Variants in TSSK6 observed in about 807,000 individuals in gnomAD.
The protein encoded by TSSK6 is testis specific serine kinase 6.
Under a neutral mutation model 8.5 loss-of-function variants are expected in TSSK6, and 9 were observed. That is an observed-to-expected ratio of 1.06 (90% confidence interval 0.64 to 1.85). The LOEUF is 1.85. Among genes scored for constraint, TSSK6 ranks in the 40% most tolerant of loss-of-function variants. The pLI is 0.00. For synonymous variants in TSSK6, 202 were observed against 182.4 expected (o/e 1.11, Z -0.86); for missense variants, 311 against 391.5 (o/e 0.79, Z 1.73).
Position 19,514,346 on chromosome 19 carries a change from T to G in TSSK6, c.*260A>C, listed in dbSNP as rs1377799548. 3.7e-6 allele frequency: 2 copies of G among 541,506 alleles called. No homozygotes were observed. Among genetic ancestry groups the G allele is most frequent in the African/African-American group, 3.9e-5 (2 of 51,608 alleles). 33.5% of individuals were successfully genotyped at this position (541,506 alleles called of 1,614,324 possible). ...GGCGCAATGCTTCCGTCCCCTCTGGTCTCGCCCTCTCGGGGCCTGGTCGCA... is the reference window on the plus strand; with the variant it reads ...GGCGCAATGCTTCCGTCCCCTCTGGGCTCGCCCTCTCGGGGCCTGGTCGCA... On this transcript the variant is annotated 3_prime_UTR_variant, in exon 1 of 1. Transcript: ENST00000585580.
In TSSK6 at chr19:19,514,296, G is replaced by A. The variant is rs968330686; in HGVS notation, c.*310C>T. On this transcript the variant is annotated 3_prime_UTR_variant, in exon 1 of 1. Transcript: ENST00000585580. ...GGCTGGTTGGGAAGGGACGCCCTCC[G>A]CGCAGAGGCTGAGAGTTCCGCGCAG... The A allele has an allele frequency of 2.1e-4, 79 of 380,534 alleles. No homozygotes were observed. Among genetic ancestry groups the A allele is most frequent in the Non-Finnish European group, 3.7e-4 (77 of 209,760 alleles). 23.6% of individuals were successfully genotyped at this position (380,534 alleles called of 1,614,324 possible).
At position 19,515,543 on chromosome 19, in the gene TSSK6, C is replaced by T; in HGVS notation, c.-116G>A. On this transcript the variant is annotated 5_prime_UTR_variant, in exon 1 of 1. Transcript: ENST00000585580. ...ACCTACACCCCCGCACCCCCATGTGCCCACTGCCAGACATTGGCCGCTGTT... is the reference window on the plus strand; with the variant it reads ...ACCTACACCCCCGCACCCCCATGTGTCCACTGCCAGACATTGGCCGCTGTT... The T allele has an allele frequency of 1.1e-6, 1 of 942,226 alleles. No individual in the cohort carries two copies. The highest frequency in any genetic ancestry group is 1.6e-6 in the Non-Finnish European group (1 of 620,876). 58.4% of individuals were successfully genotyped at this position (942,226 alleles called of 1,614,324 possible). A position where few individuals can be genotyped will look rare whatever the true frequency, so the allele number is the denominator to read the frequency against.
chr19:19,515,151 C>T lies in TSSK6; in HGVS notation c.277G>A (p.Ala93Thr). The T allele has an allele frequency of 6.2e-7, 1 of 1,605,940 alleles. No individual in the cohort carries two copies. The change falls in exon 1 of 1, where the codon GCC becomes ACC. Residue 93 changes from alanine (A) to threonine (T), a missense_variant. Transcript: ENST00000585580. ...NGKLYIVMEA[A>T]ATDLLQAVQR... ...ACGGCTTGCAGCAGGTCGGTGGCGG[C>T]CGCTTCCATCACGATGTACAGTTTC...
chr19:19,514,961 C>T lies in TSSK6; in HGVS notation c.467G>A (p.Gly156Asp), dbSNP rs773232969. 2.5e-6 allele frequency: 4 copies of T among 1,602,806 alleles called. No individual in the cohort carries two copies. Among genetic ancestry groups the T allele is most frequent in the Non-Finnish European group, 3.4e-6 (4 of 1,174,298 alleles). The change falls in exon 1 of 1, where the codon GGC becomes GAC. Residue 156 changes from glycine to aspartate, a missense_variant. Physicochemically the swap from Gly to Asp is moderately conservative, Grantham distance 94. Coordinates refer to ENST00000585580, the MANE Select transcript of TSSK6 (RefSeq NM_032037.4). ...GTAGCCATGGGCCTGGCGGCCGAAG[C>T]CGAAGTCGGTGAGCTTGACGCGGCG... ...DERRVKLTDF[G>D]FGRQAHGYPD...
Position 19,515,511 on chromosome 19 carries a change from G to T in TSSK6, c.-84C>A, listed in dbSNP as rs2061042894. ...TCCAATCTCGGGTCTAAGCCATGGC[G>T]CTTGGCACCTACACCCCCGCACCCC... On this transcript the variant is annotated 5_prime_UTR_variant, in exon 1 of 1. Transcript: ENST00000585580. 6.1e-6 allele frequency: 8 copies of T among 1,307,362 alleles called. No individual in the cohort carries two copies. In the South Asian group the frequency reaches 9.5e-5, roughly 16 times the overall value. The allele number at this position is 1,307,362 out of a possible 1,614,324, so 81.0% of individuals were successfully genotyped here.
rs772108524 is a variant in TSSK6, at chr19:19,514,870, G to A, written c.558C>T (p.Ile186=). 5.6e-6 allele frequency: 9 copies of A among 1,600,606 alleles called. No homozygotes were observed. In the East Asian group the frequency reaches 2.0e-4, roughly 36 times the overall value. The change falls in exon 1 of 1, where the codon ATC becomes ATT. Residue 186 remains isoleucine (I), a synonymous_variant. Coordinates refer to ENST00000585580, the MANE Select transcript of TSSK6 (RefSeq NM_032037.4). Reference sequence around the variant, plus strand: ...CATCGTACTTCTTGGGGTCGTAGGGGATGCCCAGGAGCACCTCGGGTGACG... The same window carrying A: ...CATCGTACTTCTTGGGGTCGTAGGGAATGCCCAGGAGCACCTCGGGTGACG... The part of the protein sequence containing the change: ...AYASPEVLLG[I]PYDPKKYDVW...
chr19:19,514,271 G>C lies in TSSK6; in HGVS notation c.*335C>G, dbSNP rs547193647. The C allele has an allele frequency of 2.2e-5, 7 of 315,292 alleles. No individual in the cohort carries two copies. The East Asian group carries it at 3.7e-4, about 17-fold the overall frequency. 19.5% of individuals were successfully genotyped at this position (315,292 alleles called of 1,614,324 possible). On this transcript the variant is annotated 3_prime_UTR_variant, in exon 1 of 1. Coordinates refer to ENST00000585580, the MANE Select transcript of TSSK6 (RefSeq NM_032037.4). ...TTCCAACCGGGAACCTGGCACCCAC[G>C]GCTGGTTGGGAAGGGACGCCCTCCG...
rs2061035538 is a variant in TSSK6 at position 19,514,466 on chromosome 19, AG to A, written c.*139del. 1 of 827,166 alleles carries A rather than the reference AG, an allele frequency of 1.2e-6. No individual in the cohort carries two copies. Among genetic ancestry groups the A allele is most frequent in the East Asian group, 2.7e-5 (1 of 36,416 alleles). 51.2% of individuals were successfully genotyped at this position (827,166 alleles called of 1,614,324 possible). On this transcript the variant is annotated 3_prime_UTR_variant, in exon 1 of 1. Transcript: ENST00000585580. ...ACTGCGGACTCCCCCGTGGGAAGAA[AG>A]GGAGGGAAGCGGAAGGGAAAAAGCG... is the stretch of plus-strand genomic sequence containing the variant.
chr19:19,515,152 C>T lies in TSSK6; in HGVS notation c.276G>A (p.Ala92=). ...CNGKLYIVME[A]AATDLLQAVQ... is the part of the protein sequence containing the mutation. ...CGGCTTGCAGCAGGTCGGTGGCGGCCGCTTCCATCACGATGTACAGTTTCC... is the reference window on the plus strand; with the variant it reads ...CGGCTTGCAGCAGGTCGGTGGCGGCTGCTTCCATCACGATGTACAGTTTCC... The change falls in exon 1 of 1, where the codon GCG becomes GCA. Residue 92 remains alanine (A), a synonymous_variant. Coordinates refer to ENST00000585580, the MANE Select transcript of TSSK6 (RefSeq NM_032037.4). The T allele has an allele frequency of 6.2e-7, 1 of 1,606,128 alleles. No individual in the cohort carries two copies. Among genetic ancestry groups the T allele is most frequent in the Non-Finnish European group, 8.5e-7 (1 of 1,179,720 alleles).
chr19:19,514,277 T>C lies in TSSK6; in HGVS notation c.*329A>G, dbSNP rs1182380080. ...CCGGGAACCTGGCACCCACGGCTGG[T>C]TGGGAAGGGACGCCCTCCGCGCAGA... On this transcript the variant is annotated 3_prime_UTR_variant, in exon 1 of 1. Coordinates refer to ENST00000585580, the MANE Select transcript of TSSK6 (RefSeq NM_032037.4). The C allele has an allele frequency of 3.1e-6, 1 of 317,748 alleles. No individual in the cohort carries two copies. The highest frequency in any genetic ancestry group is 5.8e-6 in the Non-Finnish European group (1 of 171,828). The allele number at this position is 317,748 out of a possible 1,614,324, so 19.7% of individuals were successfully genotyped here. A position where few individuals can be genotyped will look rare whatever the true frequency, so the allele number is the denominator to read the frequency against.
Position 19,515,520 on chromosome 19 carries a change from C to T in TSSK6, c.-93G>A. On this transcript the variant is annotated 5_prime_UTR_variant, in exon 1 of 1. Coordinates refer to ENST00000585580, the MANE Select transcript of TSSK6 (RefSeq NM_032037.4). ...GGGTCTAAGCCATGGCGCTTGGCACCTACACCCCCGCACCCCCATGTGCCC... is the reference window on the plus strand; with the variant it reads ...GGGTCTAAGCCATGGCGCTTGGCACTTACACCCCCGCACCCCCATGTGCCC... 1 of 1,204,826 alleles carries T rather than the reference C, an allele frequency of 8.3e-7. No homozygotes were observed. The highest frequency in any genetic ancestry group is 1.2e-6 in the Non-Finnish European group (1 of 849,576). The allele number at this position is 1,204,826 out of a possible 1,614,324, so 74.6% of individuals were successfully genotyped here. A position where few individuals can be genotyped will look rare whatever the true frequency, so the allele number is the denominator to read the frequency against.
chr19:19,515,215 G>A lies in TSSK6; in HGVS notation c.213C>T (p.His71=). 6.2e-7 allele frequency: 1 copy of A among 1,611,596 alleles called. No individual in the cohort carries two copies. The highest frequency in any genetic ancestry group is 8.5e-7 in the Non-Finnish European group (1 of 1,179,972). ...LSILRGVRHP[H]IVHVFEFIEV... ...CGATGAACTCGAAGACGTGCACGAT[G>A]TGCGGGTGTCGCACGCCCCGCAGGA... Residue 71 remains histidine (H), a synonymous_variant, in exon 1 of 1, where the codon CAC becomes CAT. Transcript: ENST00000585580.
chr19:19,515,180 T>A lies in TSSK6; in HGVS notation c.248A>T (p.Asn83Ile), dbSNP rs2061040524. The change falls in exon 1 of 1, where the codon AAC (asparagine) becomes ATC (isoleucine). Residue 83 changes from asparagine (N) to isoleucine (I), a missense_variant. Transcript: ENST00000585580. The part of the protein sequence containing the change: ...VHVFEFIEVC[N>I]GKLYIVMEAA... Reference sequence around the variant, plus strand: ...TTCCATCACGATGTACAGTTTCCCGTTGCACACCTCGATGAACTCGAAGAC... The same window carrying A: ...TTCCATCACGATGTACAGTTTCCCGATGCACACCTCGATGAACTCGAAGAC... 1.9e-6 allele frequency: 3 copies of A among 1,608,574 alleles called. No individual in the cohort carries two copies. The highest frequency in any genetic ancestry group is 2.7e-5 in the African/African-American group (2 of 74,922).
rs1319377513 is a variant in TSSK6, at chr19:19,514,549, G to A, written c.*57C>T. Reference sequence around the variant, plus strand: ...TTCCCTCGAAGCGCGCCTCTTGCGCGTGCGCCGCCCTGGCCCAGTGCCCTT... The same window carrying A: ...TTCCCTCGAAGCGCGCCTCTTGCGCATGCGCCGCCCTGGCCCAGTGCCCTT... On this transcript the variant is annotated 3_prime_UTR_variant, in exon 1 of 1. Coordinates refer to ENST00000585580, the MANE Select transcript of TSSK6 (RefSeq NM_032037.4). 2 of 1,418,818 alleles carry A rather than the reference G, an allele frequency of 1.4e-6. No individual in the cohort carries two copies. The highest frequency in any genetic ancestry group is 1.4e-5 in the African/African-American group (1 of 69,244). 87.9% of individuals were successfully genotyped at this position (1,418,818 alleles called of 1,614,324 possible).
At position 19,514,770 on chromosome 19, in the gene TSSK6, G is replaced by A; in HGVS notation, c.658C>T (p.Leu220=). ...ACGCCGCGTTTCTGGCGCCGGGGCA[G>A]GCCGGCGATGTCCGAGTCGTCGAAG... ...MPFDDSDIAG[L]PRRQKRGVLY... Residue 220 remains leucine (L), a synonymous_variant, in exon 1 of 1, where the codon CTG becomes TTG. Transcript: ENST00000585580. The A allele has an allele frequency of 6.2e-7, 1 of 1,602,276 alleles. No individual in the cohort carries two copies. Among genetic ancestry groups the A allele is most frequent in the Non-Finnish European group, 8.5e-7 (1 of 1,179,552 alleles).
chr19:19,515,370 C>T lies in TSSK6; in HGVS notation c.58G>A (p.Glu20Lys). 1 of 1,612,762 alleles carries T rather than the reference C, an allele frequency of 6.2e-7. No homozygotes were observed. Among genetic ancestry groups the T allele is most frequent in the Non-Finnish European group, 8.5e-7 (1 of 1,178,832 alleles). Residue 20 changes from glutamate to lysine, a missense_variant, in exon 1 of 1, where the codon GAG becomes AAG. Coordinates refer to ENST00000585580, the MANE Select transcript of TSSK6 (RefSeq NM_032037.4). ...ACCTTCACCTTGGAGTAGCTGCCCT[C>T]TCCAATTGTGCGGCCCAGCTTATAA... is the stretch of plus-strand genomic sequence containing the variant. Reference protein sequence around the residue: ...LGYKLGRTIGEGSYSKVKVAT... With the variant: ...LGYKLGRTIGKGSYSKVKVAT...
In TSSK6 at chr19:19,515,170, C is replaced by G; in HGVS notation, c.258G>C (p.Leu86=). The G allele has an allele frequency of 6.2e-7, 1 of 1,607,504 alleles. No homozygotes were observed. The highest frequency in any genetic ancestry group is 8.5e-7 in the Non-Finnish European group (1 of 1,179,684). Residue 86 remains leucine (L), a synonymous_variant, in exon 1 of 1, where the codon CTG becomes CTC. Transcript: ENST00000585580. ...FEFIEVCNGK[L]YIVMEAAATD... ...TGGCGGCCGCTTCCATCACGATGTA[C>G]AGTTTCCCGTTGCACACCTCGATGA...
Position 19,515,378 on chromosome 19 carries a change from G to A in TSSK6, c.50C>T (p.Thr17Ile), listed in dbSNP as rs1241725404. 3 of 1,611,498 alleles carry A rather than the reference G, an allele frequency of 1.9e-6. No homozygotes were observed. The highest frequency in any genetic ancestry group is 2.5e-6 in the Non-Finnish European group (3 of 1,177,868). ...LSELGYKLGRTIGEGSYSKVK... is the reference protein window; with the variant it reads ...LSELGYKLGRIIGEGSYSKVK... ...CTTGGAGTAGCTGCCCTCTCCAATTGTGCGGCCCAGCTTATAACCGAGTTC... is the reference window on the plus strand; with the variant it reads ...CTTGGAGTAGCTGCCCTCTCCAATTATGCGGCCCAGCTTATAACCGAGTTC... The change falls in exon 1 of 1, where the codon ACA (threonine) becomes ATA (isoleucine). Residue 17 changes from threonine (T) to isoleucine (I), a missense_variant. Transcript: ENST00000585580.
At position 19,514,336 on chromosome 19, in the gene TSSK6, T is replaced by TC. The variant is rs1378270395; in HGVS notation, c.*269dup. On this transcript the variant is annotated 3_prime_UTR_variant, in exon 1 of 1. Coordinates refer to ENST00000585580, the MANE Select transcript of TSSK6 (RefSeq NM_032037.4). ...GTTCCGCGCAGGCGCAATGCTTCCG[T>TC]CCCCTCTGGTCTCGCCCTCTCGGGG... The TC allele has an allele frequency of 7.9e-6, 4 of 504,276 alleles. No homozygotes were observed. In the South Asian group the frequency reaches 1.2e-4, roughly 16 times the overall value. 31.2% of individuals were successfully genotyped at this position (504,276 alleles called of 1,614,324 possible). A position where few individuals can be genotyped will look rare whatever the true frequency, so the allele number is the denominator to read the frequency against.
Sources: gnomAD v4.1 joint callset for allele counts on GRCh38, gnomAD v4.1.1 for gene constraint, MANE v1.5 for transcripts, NCBI Gene and HGNC (gene_info 2026-07-23, HGNC 2026-07-21) for gene names.